CALN1: variants seen among roughly 807,000 people sequenced by gnomAD.
CALN1 encodes calneuron 1.
Under a neutral mutation model 30.6 loss-of-function variants are expected in CALN1, and 17 were observed. The observed-to-expected ratio is 0.56, with a 90% confidence interval of 0.38 to 0.83. The LOEUF (loss-of-function observed/expected upper bound fraction) is 0.83, where lower values mean the gene tolerates loss of function less well. CALN1 is among the 40% of genes least tolerant of loss of function. The pLI, the probability that CALN1 is intolerant of heterozygous loss-of-function variation, is 0.00. For synonymous variants in CALN1, 156 were observed against 131.4 expected, an observed-to-expected ratio of 1.19 and a Z score of -1.28; for missense variants, 291 against 354.9, an observed-to-expected ratio of 0.82 and a Z score of 1.45.
intron 3 of CALN1, among the ~76,000 whole-genome samples, chr7:72,203,848 A>C (rs1446888532): frequency 6.6e-6 from 1 of 152,138 alleles, no homozygotes; most frequent in Non-Finnish European, 1.5e-5. Flanking sequence ...TACTAGCCCA[A>C]TGCAGAAGAT....
the CALN1 span, among the ~76,000 whole-genome samples, chr7:72,481,931 A>G: frequency 6.6e-6 from 1 of 152,104 alleles, no homozygotes; most frequent in African/African-American, 2.4e-5. Flanking sequence ...CATCTTTATG[A>G]TCTTTATTGA....
At chr7:72,407,251 G>A (rs1228460385) in intron 1 of CALN1, among the ~76,000 whole-genome samples, 2 of 152,186 alleles carry the variant, frequency 1.3e-5, no homozygotes, top group Non-Finnish European at 1.5e-5. Flanking sequence ...TTCCTGATCT[G>A]CAAAATGAAC....
chr7:71,843,231 G>A (rs1444544329), intron 5 of CALN1, among the ~76,000 whole-genome samples: 1 of 152,146 alleles, frequency 6.6e-6, no homozygotes, highest in Non-Finnish European at 1.5e-5. Context: ...CTTAGAAGCT[G>A]GGTTGGCCCA....
chr7:72,446,032 A>G (rs1013072477), intron 1 of CALN1, among the ~76,000 whole-genome samples: 1 of 152,154 alleles, frequency 6.6e-6, no homozygotes. Context: ...GGAAGTCCTT[A>G]GAACCCTGCC....
intron 3 of CALN1, among the ~76,000 whole-genome samples, chr7:72,181,751 G>A (rs565729525): frequency 3.4e-4 from 51 of 152,040 alleles, no homozygotes; most frequent in African/African-American, 1.0e-3. Flanking sequence ...CTGGGATTAC[G>A]GGCATGAGCC....
chr7:71,877,838 G>A (rs551845912), intron 5 of CALN1, among the ~76,000 whole-genome samples: 10 of 152,238 alleles, frequency 6.6e-5, no homozygotes, highest in Non-Finnish European at 1.3e-4. Flanking sequence ...GAGAAAGTCC[G>A]AAATAAAACA....
intron 3 of CALN1, among the ~76,000 whole-genome samples, chr7:72,122,177 GAAC>G (rs1808443957): frequency 6.6e-6 from 1 of 152,042 alleles, no homozygotes; most frequent in African/African-American, 2.4e-5. Context: ...ATGTATCCGT[GAAC>G]AACATGGCAA....
intron 3 of CALN1, among the ~76,000 whole-genome samples, chr7:72,148,041 T>C (rs1219092923): frequency 6.8e-6 from 1 of 147,606 alleles, no homozygotes; most frequent in Non-Finnish European, 1.5e-5. Flanking sequence ...TGTATACATA[T>C]GTAACAAACC....
chr7:72,215,461 G>C (rs1363168354), intron 3 of CALN1, among the ~76,000 whole-genome samples: 1 of 152,046 alleles, frequency 6.6e-6, no homozygotes, highest in African/African-American at 2.4e-5. Flanking sequence ...AGGTATGGTG[G>C]CGCATGCCTG....
At chr7:72,429,219 G>C (rs745797411) in intron 1 of CALN1, among the ~76,000 whole-genome samples, 67 of 152,182 alleles carry the variant, frequency 4.4e-4, no homozygotes, top group Non-Finnish European at 8.2e-4. Flanking sequence ...AGTGGATTCA[G>C]ATATTGACAT....
chr7:72,249,105 A>G (rs1461449596), intron 3 of CALN1, among the ~76,000 whole-genome samples: 1 of 152,240 alleles, frequency 6.6e-6, no homozygotes, highest in East Asian at 1.9e-4. Flanking sequence ...GCAACTAGAC[A>G]TCGCAGAGTT....
intron 3 of CALN1, among the ~76,000 whole-genome samples, chr7:72,236,318 T>A (rs1794473438): frequency 6.6e-6 from 1 of 152,024 alleles, no homozygotes; most frequent in Non-Finnish European, 1.5e-5. Flanking sequence ...AGAGAACATA[T>A]AAAATACTCA....
chr7:72,309,439 G>A lies in CALN1; in HGVS notation c.120-30629C>T, dbSNP rs546787915. ...TCTCTTCTGATGGAGCACATGTCCCGTGCAAGGTCCTGTGGCCTGGAAACA... is the reference window on the plus strand; with the variant it reads ...TCTCTTCTGATGGAGCACATGTCCCATGCAAGGTCCTGTGGCCTGGAAACA... On this transcript the variant is annotated intron_variant, in intron 2 of 6. Transcript: ENST00000395275. Among the ~76,000 whole-genome samples, 9 of 152,212 alleles carry A rather than the reference G, an allele frequency of 5.9e-5. No homozygotes were observed. In the South Asian group the frequency reaches 1.2e-3, roughly 21 times the overall value.
chr7:72,209,161 C>T lies in CALN1; in HGVS notation c.244+69525G>A, dbSNP rs192882162. Among the ~76,000 whole-genome samples the T allele has an allele frequency of 1.8e-3, 250 of 141,864 alleles. 4 individuals are homozygous for T. Among genetic ancestry groups the T allele is most frequent in the Admixed American group, 6.2e-3 (88 of 14,116 alleles). 93.1% of individuals were successfully genotyped at this position (141,864 alleles called of 152,430 possible). ...TCTTTCATTCCTTCCCCCCTTCTCC[C>T]TTGACTTCTTCCTTCCCTCCTTCCC... On this transcript the variant is annotated intron_variant, in intron 3 of 6. Coordinates refer to ENST00000395275, the MANE Select transcript of CALN1 (RefSeq NM_031468.4).
chr7:71,862,383 G>A (rs1369778778), intron 5 of CALN1, among the ~76,000 whole-genome samples: 1 of 152,196 alleles, frequency 6.6e-6, no homozygotes, highest in Admixed American at 6.5e-5. Flanking sequence ...ATGGAGGCAG[G>A]TCTTTCCCGT....
intron 5 of CALN1, among the ~76,000 whole-genome samples, chr7:71,997,197 C>A (rs1799295190): frequency 6.6e-6 from 1 of 151,720 alleles, no homozygotes; most frequent in South Asian, 2.1e-4. Context: ...TGCACCACTG[C>A]TCTCCAGCCT....
chr7:71,987,651 G>A (rs1798743509), intron 5 of CALN1, among the ~76,000 whole-genome samples: 1 of 152,218 alleles, frequency 6.6e-6, no homozygotes, highest in South Asian at 2.1e-4. Flanking sequence ...ATCATGAAGG[G>A]TTTCGGAATT....
chr7:72,472,250 G>A, the CALN1 span, among the ~76,000 whole-genome samples: 4 of 152,294 alleles, frequency 2.6e-5, no homozygotes, highest in East Asian at 7.7e-4. Flanking sequence ...CTCCGTTCCT[G>A]AGCCTGGCAT....
At chr7:71,964,626 C>T (rs112039775) in intron 5 of CALN1, among the ~76,000 whole-genome samples, 3,551 of 151,470 alleles carry the variant, frequency 0.023, 131 homozygotes, top group African/African-American at 0.08. Context: ...CACGCCACTG[C>T]ACTCCAGCCT....
Sources: gnomAD v4.1 joint callset for allele counts (sites outside exome capture counted in the v4.1 genomes callset) on GRCh38, gnomAD v4.1.1 for gene constraint, MANE v1.5 for transcripts, NCBI Gene and HGNC (gene_info 2026-07-23, HGNC 2026-07-21) for gene names.